MUC12: variants seen among roughly 807,000 people sequenced by gnomAD.
MUC12 encodes mucin-12.
A neutral mutation model predicts 230.8 loss-of-function variants in MUC12; 172 were observed. The observed-to-expected ratio is 0.75, with a 90% confidence interval of 0.66 to 0.85. The LOEUF (loss-of-function observed/expected upper bound fraction) is 0.85. Among genes scored for constraint, MUC12 ranks in the 40% least tolerant of loss-of-function variants. MUC12 has a pLI of 0.00. For synonymous variants in MUC12, 1,259 were observed against 2,401.9 expected (o/e 0.52, Z 13.91); for missense variants, 3,506 against 5,920.6 (o/e 0.59, Z 13.38).
intron 1 of MUC12, among the ~76,000 whole-genome samples, chr7:100,971,700 C>T (rs1792902104): frequency 6.6e-6 from 1 of 152,312 alleles, no homozygotes; most frequent in African/African-American, 2.4e-5. Context: ...CCTTTAAGTT[C>T]ACCTACAGAA....
At chr7:101,013,873 G>A in intron 8 of MUC12, 40 bp from the exon 9 acceptor site, 1 of 1,504,984 alleles carries the variant, frequency 6.6e-7, no homozygotes, top group Non-Finnish European at 8.9e-7. Context: ...TGGATGTGAG[G>A]GATCCCAGGG....
At chr7:100,982,446 T>A (rs1793123742) in intron 1 of MUC12, among the ~76,000 whole-genome samples, 1 of 151,786 alleles carries the variant, frequency 6.6e-6, no homozygotes, top group African/African-American at 2.4e-5. Context: ...TTTTCTTTTT[T>A]TTTTTTTAGA....
intron 10 of MUC12, chr7:101,016,983 T>C (rs1442803367): frequency 6.6e-6 from 1 of 150,678 alleles, no homozygotes; most frequent in African/African-American, 2.5e-5. Context: ...GAGTGAGAAG[T>C]GAGGAGGGTG....
Position 101,005,100 on chromosome 7 carries a change from T to G in MUC12, c.14537T>G (p.Leu4846Arg). The change falls in exon 2 of 12, where the codon CTT becomes CGT. Residue 4846 changes from leucine to arginine, a missense_variant. Physicochemically the swap from Leu to Arg is moderately radical, Grantham distance 102. Transcript: ENST00000536621. ...CCTGCCAGCACCACAGTGCCAGGCC[T>G]TAGTGAGGAATCTACCACCTTCTAC... ...VSPASTTVPG[L>R]SEESTTFYSS... 1 of 1,537,868 alleles carries G rather than the reference T, an allele frequency of 6.5e-7. No homozygotes were observed. Among genetic ancestry groups the G allele is most frequent in the Non-Finnish European group, 8.7e-7 (1 of 1,147,052 alleles).
chr7:101,012,856 G>A lies in MUC12; in HGVS notation c.15441G>A (p.Val5147=), dbSNP rs1037152612. 5.9e-6 allele frequency: 9 copies of A among 1,537,274 alleles called. No homozygotes were observed. The highest frequency in any genetic ancestry group is 7.8e-6 in the Non-Finnish European group (9 of 1,146,926). Residue 5147 remains valine, a synonymous_variant, in exon 7 of 12, where the codon GTG becomes GTA. Coordinates refer to ENST00000536621, the MANE Select transcript of MUC12 (RefSeq NM_001164462.2). ...ILCYSEEDTF[V]DSSVTPGFDF... is the part of the protein sequence containing the mutation. ...GCTATAGTGAAGAGGACACTTTCGT[G>A]GATTCATCGGTGACTCCGGGCTTTG... is the stretch of plus-strand genomic sequence containing the variant.
At position 101,017,616 on chromosome 7, in the gene MUC12, T is replaced by C. The variant is rs144923828; in HGVS notation, c.15919T>C (p.Tyr5307His). The C allele has an allele frequency of 1.7e-4, 263 of 1,535,812 alleles. No individual in the cohort carries two copies. The African/African-American group carries it at 3.4e-3, about 20-fold the overall frequency. The change falls in exon 11 of 12, where the codon TAC becomes CAC. Residue 5307 changes from tyrosine (Y) to histidine (H), a missense_variant. Transcript: ENST00000536621. The part of the protein sequence containing the change: ...RESRFGLENA[Y>H]NNFRPTLETV... ...GAGCAGATTCGGCCTTGAGAACGCCTACAACAACTTCCGGCCCACCCTGGA... is the reference window on the plus strand; with the variant it reads ...GAGCAGATTCGGCCTTGAGAACGCCCACAACAACTTCCGGCCCACCCTGGA...
At chr7:100,986,505 G>T (rs1443550612) in intron 1 of MUC12, among the ~76,000 whole-genome samples, 1 of 151,784 alleles carries the variant, frequency 6.6e-6, no homozygotes, top group Admixed American at 6.6e-5. Context: ...CATGAAGTTA[G>T]AATTCCAAAA....
intron 1 of MUC12, among the ~76,000 whole-genome samples, chr7:100,973,462 T>C (rs1792954823): frequency 8.1e-6 from 1 of 124,216 alleles, no homozygotes; most frequent in South Asian, 2.7e-4. Context: ...GGTATGAAAA[T>C]GTGAGTGCTC....
At chr7:100,986,961 C>T (rs919637131) in intron 1 of MUC12, among the ~76,000 whole-genome samples, 1 of 151,698 alleles carries the variant, frequency 6.6e-6, no homozygotes, top group Non-Finnish European at 1.5e-5. Flanking sequence ...ATTATATGTC[C>T]GTCTTACATA....
chr7:101,016,257 G>A (rs1231548872), intron 10 of MUC12, among the ~76,000 whole-genome samples: 1 of 152,102 alleles, frequency 6.6e-6, no homozygotes, highest in African/African-American at 2.4e-5. Context: ...AGTGAGGGAC[G>A]TGAGGTTGGC....
chr7:100,987,881 G>T (rs921256680), intron 1 of MUC12, among the ~76,000 whole-genome samples: 1 of 151,600 alleles, frequency 6.6e-6, no homozygotes, highest in Admixed American at 6.6e-5. Flanking sequence ...TGAGGCAGGA[G>T]AATCACTTGA....
Position 100,992,299 on chromosome 7 carries a change from C to T in MUC12, c.1736C>T (p.Thr579Ile), listed in dbSNP as rs1432442428. Residue 579 changes from threonine to isoleucine, a missense_variant, in exon 2 of 12, where the codon ACC becomes ATC. By Grantham distance (89) the Thr-to-Ile change is moderately conservative. Coordinates refer to ENST00000536621, the MANE Select transcript of MUC12 (RefSeq NM_001164462.2). ...TASSLGPEYT[T>I]FHSRPGSTET... ...TCATCCCTTGGTCCAGAATATACTACCTTCCACAGCCGCCCAGGCTCCACT... is the reference window on the plus strand; with the variant it reads ...TCATCCCTTGGTCCAGAATATACTATCTTCCACAGCCGCCCAGGCTCCACT... 1 of 1,536,852 alleles carries T rather than the reference C, an allele frequency of 6.5e-7. No individual in the cohort carries two copies.
rs1441650481 is a variant in MUC12 at position 100,991,219 on chromosome 7, C to G, written c.656C>G (p.Pro219Arg). Residue 219 changes from proline to arginine, a missense_variant, in exon 2 of 12, where the codon CCA becomes CGA. Pro to Arg is a moderately radical substitution (Grantham distance 103). Coordinates refer to ENST00000536621, the MANE Select transcript of MUC12 (RefSeq NM_001164462.2). ...PGTTTPSSLG[P>R]ESTTFHSSPG... ...ACTACCACACCATCATCCCTTGGTC[C>G]AGAATCTACTACCTTCCACAGCAGC... 3 of 1,537,626 alleles carry G rather than the reference C, an allele frequency of 2.0e-6. No individual in the cohort carries two copies. In the East Asian group the frequency reaches 7.3e-5, roughly 38 times the overall value.
rs1320450589 is a variant in MUC12 at position 101,005,245 on chromosome 7, C to T, written c.14682C>T (p.Ala4894=). 2.0e-6 allele frequency: 3 copies of T among 1,537,894 alleles called. No homozygotes were observed. Among genetic ancestry groups the T allele is most frequent in the Non-Finnish European group, 1.7e-6 (2 of 1,147,056 alleles). The change falls in exon 2 of 12, where the codon GCC becomes GCT. Residue 4894 remains alanine (A), a synonymous_variant. Transcript: ENST00000536621. ...GCTTCACTCACACAGTGTTACCTGC[C>T]ACCCTCACAACCACAGACATTGGTC... ...SPGFTHTVLP[A]TLTTTDIGQE...
At position 100,988,154 on chromosome 7, in the gene MUC12, C is replaced by T. The variant is rs372155609; in HGVS notation, c.68-2477C>T. Reference sequence around the variant, plus strand: ...CTCTACTAAAAATACAAAAATTAGCCGGGTGCAGTGGTGGGTGCCTGTAAT... The same window carrying T: ...CTCTACTAAAAATACAAAAATTAGCTGGGTGCAGTGGTGGGTGCCTGTAAT... On this transcript the variant is annotated intron_variant, in intron 1 of 11. Transcript: ENST00000536621. Among the ~76,000 whole-genome samples the T allele has an allele frequency of 5.4e-4, 82 of 151,230 alleles. No individual in the cohort carries two copies. The East Asian group carries it at 6.4e-3, about 12-fold the overall frequency.
At chr7:101,012,251 C>A (rs370962768) in intron 5 of MUC12, 45 bp from the exon 6 acceptor site, 3 of 1,530,442 alleles carry the variant, frequency 2.0e-6, no homozygotes, top group Non-Finnish European at 2.6e-6. Context: ...CACTTGCTGG[C>A]TGGGTGGTGA....
chr7:100,978,476 C>T (rs543489818), intron 1 of MUC12, among the ~76,000 whole-genome samples: 19 of 152,224 alleles, frequency 1.2e-4, no homozygotes, highest in Admixed American at 5.9e-4. Context: ...CTCTCATTTT[C>T]GAGGGAGAAA....
At chr7:100,971,868 T>C (rs564997395) in intron 1 of MUC12, among the ~76,000 whole-genome samples, 185 of 152,282 alleles carry the variant, frequency 1.2e-3, no homozygotes, top group Non-Finnish European at 1.3e-4. Flanking sequence ...GCAGGTGGCA[T>C]TGCCTCTGTG....
At chr7:100,985,252 C>T (rs1199976512) in intron 1 of MUC12, among the ~76,000 whole-genome samples, 1 of 151,994 alleles carries the variant, frequency 6.6e-6, no homozygotes, top group Admixed American at 6.6e-5. Flanking sequence ...CACAGGGAGT[C>T]GAAGCTGTCT....
Sources: gnomAD v4.1 joint callset for allele counts (sites outside exome capture counted in the v4.1 genomes callset) on GRCh38, gnomAD v4.1.1 for gene constraint, MANE v1.5 for transcripts, NCBI Gene and HGNC (gene_info 2026-07-23, HGNC 2026-07-21) for gene names.